Variants in SGCD observed in about 807,000 individuals in gnomAD.
SGCD encodes delta-sarcoglycan.
Under a neutral mutation model 36.6 loss-of-function variants are expected in SGCD, and 18 were observed. The observed-to-expected ratio is 0.49, with a 90% CI of 0.34 to 0.73. The LOEUF is 0.73. SGCD is among the 30% of genes least tolerant of loss of function. SGCD has a pLI of 0.01. For missense variants in SGCD, 387 were observed against 346.7 expected (o/e 1.12, Z -0.92); for synonymous variants, 133 against 130.6 (o/e 1.02, Z -0.12).
chr5:156,184,371 GTTT>G (rs3036754), intron 3 of SGCD, among the ~76,000 whole-genome samples: 1 of 141,492 alleles, frequency 7.1e-6, no homozygotes. Context: ...CAAGCAGCCA[GTTT>G]TTTTTTTTTT....
chr5:156,406,222 A>T (rs1056561020), intron 3 of SGCD, among the ~76,000 whole-genome samples: 1 of 152,020 alleles, frequency 6.6e-6, no homozygotes, highest in African/African-American at 2.4e-5. Flanking sequence ...GTTGGTGGTG[A>T]TGTCCTTCCT....
the SGCD span, among the ~76,000 whole-genome samples, chr5:155,807,585 A>G: frequency 1.3e-5 from 2 of 152,280 alleles, no homozygotes; most frequent in African/African-American, 4.8e-5. Context: ...AGATAAGTCC[A>G]TAAATCCCAT....
chr5:156,601,330 G>A (rs886755344), intron 6 of SGCD, among the ~76,000 whole-genome samples: 2 of 152,108 alleles, frequency 1.3e-5, no homozygotes, highest in Admixed American at 6.6e-5. Flanking sequence ...AGAGGTAGAG[G>A]TCTAATCTCA....
At chr5:156,694,079 C>A (rs1042902922) in intron 7 of SGCD, among the ~76,000 whole-genome samples, 1 of 152,132 alleles carries the variant, frequency 6.6e-6, no homozygotes, top group Admixed American at 6.6e-5. Flanking sequence ...CAATTGCAAC[C>A]TGGATTTTTT....
At chr5:156,505,992 G>A (rs1024839121) in intron 3 of SGCD, among the ~76,000 whole-genome samples, 5 of 151,982 alleles carry the variant, frequency 3.3e-5, no homozygotes, top group African/African-American at 1.2e-4. Flanking sequence ...AGCCTCCCTG[G>A]GTATCATGTT....
intron 3 of SGCD, among the ~76,000 whole-genome samples, chr5:156,404,874 C>T (rs1395041624): frequency 6.6e-6 from 1 of 152,044 alleles, no homozygotes; most frequent in Non-Finnish European, 1.5e-5. Context: ...GGAGTAAATA[C>T]CTTATATTCT....
At chr5:156,716,858 A>C (rs1159279064) in intron 7 of SGCD, among the ~76,000 whole-genome samples, 1 of 152,188 alleles carries the variant, frequency 6.6e-6, no homozygotes, top group East Asian at 1.9e-4. Flanking sequence ...GGAACAGAGA[A>C]GCTCTTTAGG....
chr5:155,908,197 A>G (rs1380809259), intron 1 of SGCD, among the ~76,000 whole-genome samples: 3 of 152,134 alleles, frequency 2.0e-5, no homozygotes, highest in Admixed American at 2.0e-4. Context: ...CATAACTTTT[A>G]TAATGCACTG....
intron 1 of SGCD, among the ~76,000 whole-genome samples, chr5:156,102,538 T>C (rs1049751912): frequency 2.0e-5 from 3 of 152,190 alleles, no homozygotes; most frequent in Admixed American, 2.0e-4. Flanking sequence ...TTCTGTATGT[T>C]GTGAGATGTT....
intron 3 of SGCD, among the ~76,000 whole-genome samples, chr5:156,157,392 G>A (rs1173415310): frequency 1.3e-5 from 2 of 151,646 alleles, no homozygotes; most frequent in African/African-American, 4.9e-5. Context: ...ACAGAGCCAG[G>A]TATTGGACTC....
intron 1 of SGCD, among the ~76,000 whole-genome samples, chr5:155,962,775 C>G (rs1185046993): frequency 1.3e-5 from 2 of 152,084 alleles, no homozygotes; most frequent in Non-Finnish European, 2.9e-5. Flanking sequence ...ATAAAAGGAA[C>G]AGAAAATGTG....
At chr5:156,578,636 G>A (rs1760091166) in intron 4 of SGCD, among the ~76,000 whole-genome samples, 1 of 152,202 alleles carries the variant, frequency 6.6e-6, no homozygotes, top group Non-Finnish European at 1.5e-5. Context: ...TCCTGGCTTA[G>A]TCTTGGGAGG....
At chr5:156,477,869 G>C (rs1017649889) in intron 3 of SGCD, among the ~76,000 whole-genome samples, 3 of 151,982 alleles carry the variant, frequency 2.0e-5, no homozygotes, top group Non-Finnish European at 2.9e-5. Flanking sequence ...ATATTCTCTG[G>C]AATGTGGGTT....
At chr5:155,817,775 G>A in the SGCD span, among the ~76,000 whole-genome samples, 2 of 152,166 alleles carry the variant, frequency 1.3e-5, no homozygotes, top group African/African-American at 4.8e-5. Flanking sequence ...TGCTGCTGCT[G>A]TCTCCGGTTG....
At chr5:156,423,431 A>ATATATTTTAT (rs1561686138) in intron 3 of SGCD, among the ~76,000 whole-genome samples, 1,268 of 110,452 alleles carry the variant, frequency 0.011, 27 homozygotes, top group Non-Finnish European at 0.019. Flanking sequence ...TTTTAATAAA[A>ATATATTTTAT]TATAATATAT....
At chr5:156,353,655 C>A (rs1176608682) in intron 3 of SGCD, among the ~76,000 whole-genome samples, 7 of 152,190 alleles carry the variant, frequency 4.6e-5, no homozygotes, top group African/African-American at 1.4e-4. Flanking sequence ...GGAAGTGCTT[C>A]CTCTACTGAG....
At chr5:156,574,590 C>G (rs983345219) in intron 4 of SGCD, among the ~76,000 whole-genome samples, 2 of 152,082 alleles carry the variant, frequency 1.3e-5, no homozygotes, top group African/African-American at 4.8e-5. Flanking sequence ...AAGAAAGGCT[C>G]GAGTAACCCC....
intron 3 of SGCD, among the ~76,000 whole-genome samples, chr5:156,345,701 A>AACC (rs1254084732): frequency 6.6e-6 from 1 of 152,194 alleles, no homozygotes; most frequent in South Asian, 2.1e-4. Context: ...ACAAATAACA[A>AACC]ACCAAGAAAC....
At chr5:156,479,900 C>T (rs982825826) in intron 3 of SGCD, among the ~76,000 whole-genome samples, 6 of 152,222 alleles carry the variant, frequency 3.9e-5, no homozygotes. Flanking sequence ...AAGTTACCCG[C>T]TTTGACCTGA....
Sources: gnomAD v4.1 joint callset for allele counts (sites outside exome capture counted in the v4.1 genomes callset) on GRCh38, gnomAD v4.1.1 for gene constraint, MANE v1.5 for transcripts, NCBI Gene and HGNC (gene_info 2026-07-23, HGNC 2026-07-21) for gene names.